The following MTUS2 variants were observed in gnomAD, a reference collection of about 807,000 sequenced individuals.
MTUS2 encodes microtubule associated scaffold protein 2.
A neutral mutation model predicts 114.1 loss-of-function variants in MTUS2; 40 were observed. That is an observed-to-expected ratio of 0.35 (90% confidence interval 0.27 to 0.46). The LOEUF (loss-of-function observed/expected upper bound fraction) is 0.46. Ranked by LOEUF, MTUS2 falls within the 20% of genes least tolerant of loss-of-function variation. The probability of loss-of-function intolerance (pLI) is 1.00; values close to 1 mark genes in which losing one functional copy is unlikely to be tolerated. For synonymous variants in MTUS2, 688 were observed against 672.0 expected (o/e 1.02, Z -0.37); for missense variants, 1,679 against 1,705.4 (o/e 0.98, Z 0.27).
At chr13:29,067,587 A>G (rs910342902) in intron 4 of MTUS2, among the ~76,000 whole-genome samples, 1 of 152,224 alleles carries the variant, frequency 6.6e-6, no homozygotes, top group Non-Finnish European at 1.5e-5. Context: ...GTGGGGAAGT[A>G]GAAGCAATGA....
chr13:28,890,094 G>T (rs534042366), intron 2 of MTUS2, among the ~76,000 whole-genome samples: 1 of 152,158 alleles, frequency 6.6e-6, no homozygotes, highest in Non-Finnish European at 1.5e-5. Flanking sequence ...TATTTTGGCA[G>T]TGTAGCTTCA....
intron 1 of MTUS2, among the ~76,000 whole-genome samples, chr13:28,834,994 GGC>G (rs1280195661): frequency 2.0e-5 from 3 of 152,136 alleles, no homozygotes; most frequent in African/African-American, 7.2e-5. Flanking sequence ...TCACTAAGAT[GGC>G]TAAAATTAAA....
intron 8 of MTUS2, among the ~76,000 whole-genome samples, chr13:29,421,297 T>A (rs1466245254): frequency 6.6e-6 from 1 of 152,188 alleles, no homozygotes; most frequent in Non-Finnish European, 1.5e-5. Flanking sequence ...GCCCTAGAGA[T>A]CCTGCTCATA....
chr13:29,461,528 A>G (rs1042265438), intron 9 of MTUS2, among the ~76,000 whole-genome samples: 3 of 152,240 alleles, frequency 2.0e-5, no homozygotes, highest in Admixed American at 1.3e-4. Context: ...ATCAAAGTAC[A>G]TTCAACAGAA....
chr13:29,383,981 A>G (rs1872456433), intron 8 of MTUS2, among the ~76,000 whole-genome samples: 1 of 152,218 alleles, frequency 6.6e-6, no homozygotes, highest in Non-Finnish European at 1.5e-5. Flanking sequence ...GGGGCCATTT[A>G]AAATAAGTTG....
At chr13:28,863,623 G>A (rs1373513070) in intron 2 of MTUS2, among the ~76,000 whole-genome samples, 2 of 152,200 alleles carry the variant, frequency 1.3e-5, no homozygotes, top group African/African-American at 4.8e-5. Flanking sequence ...TCTCACAGGT[G>A]CTGCAAAGTG....
intron 4 of MTUS2, among the ~76,000 whole-genome samples, chr13:29,043,373 A>C (rs1593414502): frequency 6.6e-6 from 1 of 152,056 alleles, no homozygotes; most frequent in African/African-American, 2.4e-5. Flanking sequence ...ATTTTGAAGA[A>C]TGTTCCATGT....
intron 4 of MTUS2, among the ~76,000 whole-genome samples, chr13:29,067,061 G>A (rs1190177610): frequency 6.6e-6 from 1 of 152,196 alleles, no homozygotes; most frequent in East Asian, 1.9e-4. Flanking sequence ...TATAGGATTG[G>A]GGGTGGTGGA....
At chr13:28,840,464 C>A (rs539428639) in intron 2 of MTUS2, among the ~76,000 whole-genome samples, 1 of 152,292 alleles carries the variant, frequency 6.6e-6, no homozygotes, top group East Asian at 1.9e-4. Context: ...ACATTCACTT[C>A]CATCTGATGG....
At chr13:29,262,183 C>T (rs1453086201) in intron 5 of MTUS2, among the ~76,000 whole-genome samples, 1 of 152,202 alleles carries the variant, frequency 6.6e-6, no homozygotes, top group Non-Finnish European at 1.5e-5. Flanking sequence ...CCTTTGCCTT[C>T]TTCGTTAAGC....
rs1005987667 is a variant in MTUS2, at chr13:28,820,429, A to G, written c.-498A>G. The G allele has an allele frequency of 2.0e-5, 3 of 151,820 alleles. No individual in the cohort carries two copies. The highest frequency in any genetic ancestry group is 2.1e-4 in the South Asian group (1 of 4,824). The allele number at this position is 151,820 out of a possible 1,614,324, so 9.4% of individuals were successfully genotyped here. On this transcript the variant is annotated 5_prime_UTR_variant, in exon 1 of 16. Coordinates refer to ENST00000612955, the MANE Select transcript of MTUS2 (RefSeq NM_001033602.4). ...CGCCGCCGGCTCTCAGGGCAAGTTT[A>G]TCTCCCCCCTTCTGCGGAAACCCTT... is the stretch of plus-strand genomic sequence containing the variant.
intron 9 of MTUS2, among the ~76,000 whole-genome samples, chr13:29,453,756 A>C (rs1293007553): frequency 7.7e-6 from 1 of 130,192 alleles, no homozygotes; most frequent in Non-Finnish European, 1.7e-5. Context: ...CCATATGGCT[A>C]TCTCTAAGCA....
chr13:28,944,356 TA>T (rs1308707907), intron 2 of MTUS2, among the ~76,000 whole-genome samples: 1 of 152,198 alleles, frequency 6.6e-6, no homozygotes, highest in Non-Finnish European at 1.5e-5. Context: ...AATTCTGTTT[TA>T]TTTTTTTCTA....
intron 9 of MTUS2, among the ~76,000 whole-genome samples, chr13:29,470,402 C>T (rs1880196621): frequency 6.6e-6 from 1 of 152,120 alleles, no homozygotes; most frequent in South Asian, 2.1e-4. Context: ...ACTGTCTGTC[C>T]TGCACCTCCC....
intron 2 of MTUS2, among the ~76,000 whole-genome samples, chr13:28,848,426 C>G (rs1876029153): frequency 6.6e-6 from 1 of 151,958 alleles, no homozygotes; most frequent in African/African-American, 2.4e-5. Context: ...ACAATAATTG[C>G]TGTTCTGAAA....
chr13:29,429,981 A>G (rs1876867000), intron 8 of MTUS2, among the ~76,000 whole-genome samples: 1 of 152,222 alleles, frequency 6.6e-6, no homozygotes, highest in Non-Finnish European at 1.5e-5. Context: ...TAATAGAAAT[A>G]ACTACTTCAG....
At chr13:29,354,260 G>C (rs908740456) in intron 7 of MTUS2, among the ~76,000 whole-genome samples, 2 of 54,594 alleles carry the variant, frequency 3.7e-5, no homozygotes, top group African/African-American at 9.6e-5. Flanking sequence ...TTTTTTTTTT[G>C]CTGGTTTCAA....
chr13:29,353,862 T>TTAG, intron 7 of MTUS2, among the ~76,000 whole-genome samples: 1 of 152,328 alleles, frequency 6.6e-6, no homozygotes, highest in Admixed American at 6.5e-5. Context: ...CCACTAATCC[T>TTAG]TGGCAGAGTT....
At chr13:29,066,768 TA>T (rs1888685224) in intron 4 of MTUS2, among the ~76,000 whole-genome samples, 2 of 152,210 alleles carry the variant, frequency 1.3e-5, no homozygotes, top group Non-Finnish European at 2.9e-5. Flanking sequence ...AATGGGTATA[TA>T]AAGAGATAAA....
Sources: allele counts gnomAD v4.1 joint callset (sites outside exome capture counted in the v4.1 genomes callset), GRCh38; gene constraint gnomAD v4.1.1; transcripts MANE v1.5; gene names NCBI Gene and HGNC (gene_info 2026-07-23, HGNC 2026-07-21).